Variants in SORCS1 observed in about 807,000 individuals in gnomAD.
SORCS1 encodes the protein VPS10 domain-containing receptor SorCS1.
In SORCS1, 60 loss-of-function variants were observed where a neutral mutation model predicts 146.1. The ratio of observed to expected loss-of-function variants is 0.41; its 90% confidence interval spans 0.33 to 0.51. The LOEUF (loss-of-function observed/expected upper bound fraction) is 0.51, where lower values mean the gene tolerates loss of function less well. SORCS1 is among the 20% of genes least tolerant of loss of function. The pLI is 0.21. For synonymous variants in SORCS1, 637 were observed against 584.0 expected (o/e 1.09, Z -1.31); for missense variants, 1,352 against 1,487.6 (o/e 0.91, Z 1.50).
intron 1 of SORCS1, among the ~76,000 whole-genome samples, chr10:106,965,391 A>G (rs756944867): frequency 2.0e-5 from 3 of 152,144 alleles, no homozygotes; most frequent in Admixed American, 6.5e-5. Flanking sequence ...AGGAACTGGT[A>G]TTTCCACTTG....
chr10:107,177,927 A>C, the SORCS1 span, among the ~76,000 whole-genome samples: 1 of 152,148 alleles, frequency 6.6e-6, no homozygotes, highest in Non-Finnish European at 1.5e-5. Flanking sequence ...ACATGTTCTC[A>C]CTTATAAGTG....
chr10:106,726,283 G>A (rs1313779505), intron 6 of SORCS1, among the ~76,000 whole-genome samples: 2 of 101,166 alleles, frequency 2.0e-5, no homozygotes, highest in African/African-American at 4.0e-5. Flanking sequence ...GTTTTGTTTC[G>A]ACAGGGCTAA....
chr10:107,117,940 T>A (rs1966144581), intron 1 of SORCS1, among the ~76,000 whole-genome samples: 1 of 152,150 alleles, frequency 6.6e-6, no homozygotes, highest in Non-Finnish European at 1.5e-5. Flanking sequence ...TGAATTAAGA[T>A]ATTTGTGGCT....
At chr10:106,892,519 T>A (rs1223047867) in intron 2 of SORCS1, among the ~76,000 whole-genome samples, 1 of 152,236 alleles carries the variant, frequency 6.6e-6, no homozygotes, top group Non-Finnish European at 1.5e-5. Context: ...TAAATTTGAA[T>A]AACAAAGTTG....
chr10:106,767,102 T>A (rs1203747421), intron 4 of SORCS1, among the ~76,000 whole-genome samples: 2 of 152,102 alleles, frequency 1.3e-5, no homozygotes, highest in Non-Finnish European at 2.9e-5. Flanking sequence ...CCAATACTTG[T>A]GGGGAGCTGA....
chr10:106,737,102 C>T (rs1050479132), intron 5 of SORCS1, among the ~76,000 whole-genome samples: 1 of 150,080 alleles, frequency 6.7e-6, no homozygotes, highest in African/African-American at 2.5e-5. Flanking sequence ...AAGTGAGGCA[C>T]GCAAGTCTGA....
intron 1 of SORCS1, among the ~76,000 whole-genome samples, chr10:107,074,614 C>A (rs565243671): frequency 6.6e-6 from 1 of 152,264 alleles, no homozygotes; most frequent in Non-Finnish European, 1.5e-5. Flanking sequence ...TTGTGAGAAA[C>A]CACCAAACTG....
the SORCS1 span, among the ~76,000 whole-genome samples, chr10:107,171,109 A>T: frequency 1.3e-5 from 2 of 152,222 alleles, no homozygotes; most frequent in African/African-American, 4.8e-5. Flanking sequence ...TACTTCAAAT[A>T]CCAACTTCAG....
At chr10:106,756,482 C>T (rs1001678606) in intron 5 of SORCS1, among the ~76,000 whole-genome samples, 2 of 152,166 alleles carry the variant, frequency 1.3e-5, no homozygotes, top group South Asian at 2.1e-4. Context: ...ACCCCTTGAC[C>T]TGCAAGTTGT....
chr10:106,681,687 T>C (rs1408279482), intron 10 of SORCS1, among the ~76,000 whole-genome samples: 1 of 152,180 alleles, frequency 6.6e-6, no homozygotes, highest in African/African-American at 2.4e-5. Flanking sequence ...GAGGACTTTC[T>C]GCACCACCAA....
intron 1 of SORCS1, among the ~76,000 whole-genome samples, chr10:107,106,472 T>C (rs373617136): frequency 1.2e-4 from 18 of 152,326 alleles, no homozygotes; most frequent in African/African-American, 2.9e-4. Context: ...TGCATTTATT[T>C]ATCTCCTGAA....
At chr10:106,642,237 G>A (rs1292304896) in intron 18 of SORCS1, among the ~76,000 whole-genome samples, 1 of 152,158 alleles carries the variant, frequency 6.6e-6, no homozygotes, top group Admixed American at 6.5e-5. Context: ...GAGTTAACAT[G>A]GATAGAGGCA....
chr10:106,983,195 T>G (rs1324561931), intron 1 of SORCS1, among the ~76,000 whole-genome samples: 2 of 147,648 alleles, frequency 1.4e-5, no homozygotes, highest in Non-Finnish European at 3.0e-5. Context: ...TCTCTATATA[T>G]ACATATTTCT....
chr10:106,699,773 G>C (rs1226949567), intron 8 of SORCS1, among the ~76,000 whole-genome samples: 3 of 152,138 alleles, frequency 2.0e-5, no homozygotes, highest in African/African-American at 7.2e-5. Context: ...ATGAGGAAAA[G>C]CTGGAGGAAC....
intron 8 of SORCS1, among the ~76,000 whole-genome samples, chr10:106,705,285 C>A (rs1854436378): frequency 6.6e-6 from 1 of 152,146 alleles, no homozygotes; most frequent in East Asian, 1.9e-4. Flanking sequence ...GTGTTATTAC[C>A]TCTAATGGGC....
chr10:106,756,811 A>G (rs906955293), intron 5 of SORCS1, among the ~76,000 whole-genome samples: 1 of 152,190 alleles, frequency 6.6e-6, no homozygotes, highest in African/African-American at 2.4e-5. Context: ...TCCTCAGGAA[A>G]GGATCTTCAA....
At chr10:107,075,188 G>A (rs1277800172) in intron 1 of SORCS1, among the ~76,000 whole-genome samples, 2 of 152,194 alleles carry the variant, frequency 1.3e-5, no homozygotes, top group South Asian at 2.1e-4. Context: ...TGTTAAAATC[G>A]AGAACTTGAG....
chr10:106,937,914 A>G lies in SORCS1; in HGVS notation c.626+18599T>C, dbSNP rs1226521082. Reference sequence around the variant, plus strand: ...GGGAGGCGGAGGTTGCAGTGAGCCAAGATCAAGCCACTGCACTCCATCCTG... The same window carrying G: ...GGGAGGCGGAGGTTGCAGTGAGCCAGGATCAAGCCACTGCACTCCATCCTG... On this transcript the variant is annotated intron_variant, in intron 2 of 25. Transcript: ENST00000263054. Among the ~76,000 whole-genome samples the G allele has an allele frequency of 2.0e-5, 3 of 151,612 alleles. No individual in the cohort carries two copies. In the South Asian group the frequency reaches 6.3e-4, roughly 32 times the overall value.
At chr10:106,776,733 TA>T in intron 3 of SORCS1, 41 bp from the exon 4 acceptor site, 1 of 1,587,336 alleles carries the variant, frequency 6.3e-7, no homozygotes, top group Non-Finnish European at 8.6e-7. Flanking sequence ...AACAGAAAAT[TA>T]AGTTTACAAA....
Sources: gnomAD v4.1 joint callset for allele counts (sites outside exome capture counted in the v4.1 genomes callset) on GRCh38, gnomAD v4.1.1 for gene constraint, MANE v1.5 for transcripts, NCBI Gene and HGNC (gene_info 2026-07-23, HGNC 2026-07-21) for gene names.